Variants in ANXA6 observed in about 807,000 individuals in gnomAD.
ANXA6 encodes the protein annexin A6.
Under a neutral mutation model 95.4 loss-of-function variants are expected in ANXA6, and 71 were observed. The ratio of observed to expected loss-of-function variants is 0.74; its 90% CI spans 0.61 to 0.91. The LOEUF is 0.91. ANXA6 is among the 40% of genes least tolerant of loss of function. The pLI is 0.00. For missense variants in ANXA6, 830 were observed against 876.4 expected (o/e 0.95, Z 0.67); for synonymous variants, 289 against 315.9 (o/e 0.91, Z 0.90).
chr5:151,114,924 C>T (rs887702797), intron 20 of ANXA6, among the ~76,000 whole-genome samples: 2 of 152,100 alleles, frequency 1.3e-5, no homozygotes, highest in Admixed American at 1.3e-4. Flanking sequence ...TACTCATGTG[C>T]GTTATCTAAG....
chr5:151,105,179 CTGTGTGTTTG>C (rs1764661960), intron 24 of ANXA6, 56 bp downstream of exon 24: 1 of 1,429,710 alleles, frequency 7.0e-7, no homozygotes, highest in Admixed American at 1.7e-5. Context: ...TGGTGCACAT[CTGTGTGTTTG>C]TGTGTGTATG....
rs1248446925 is a variant in ANXA6, at chr5:151,106,474, T to A, written c.1781-1171A>T. 2.0e-5 allele frequency among the ~76,000 whole-genome samples: 3 copies of A among 151,994 alleles called. No individual in the cohort carries two copies. In the East Asian group the frequency reaches 5.8e-4, roughly 29 times the overall value. On this transcript the variant is annotated intron_variant, in intron 23 of 25. Coordinates refer to ENST00000354546, the MANE Select transcript of ANXA6 (RefSeq NM_001155.5). The stretch of plus-strand genomic sequence containing the variant: ...TCCCATCTCCAGCTCCTTACATATC[T>A]CCCTACTACCTCCCAAACAAATCCC...
chr5:151,143,239 C>G (rs1765884184), intron 2 of ANXA6, among the ~76,000 whole-genome samples: 1 of 152,148 alleles, frequency 6.6e-6, no homozygotes, highest in Admixed American at 6.5e-5. Flanking sequence ...CAGATTCCAT[C>G]TGGGTGGGAG....
At chr5:151,123,059 G>C in intron 15 of ANXA6, 48 bp from the exon 16 acceptor site, 1 of 1,527,492 alleles carries the variant, frequency 6.5e-7, no homozygotes, top group South Asian at 1.1e-5. Flanking sequence ...GTGGCTCTCG[G>C]CTTTCCCCAT....
At chr5:151,132,380 T>C (rs1765538063) in intron 10 of ANXA6, 96 bp downstream of exon 10, 2 of 941,340 alleles carry the variant, frequency 2.1e-6, no homozygotes, top group African/African-American at 1.7e-5. Context: ...CCCAATTCTA[T>C]ACCATGTAAT....
chr5:151,142,004 T>C (rs1291080599), intron 2 of ANXA6, among the ~76,000 whole-genome samples: 1 of 152,232 alleles, frequency 6.6e-6, no homozygotes, highest in Non-Finnish European at 1.5e-5. Flanking sequence ...ATCTGCCCAC[T>C]GCACAGAGAT....
chr5:151,141,693 C>G, intron 2 of ANXA6: 1 of 985,500 alleles, frequency 1.0e-6, no homozygotes, highest in Non-Finnish European at 1.2e-6. Flanking sequence ...ATGCATGCGT[C>G]GGCGTGGAGT....
chr5:151,139,094 T>C (rs1765751949), intron 4 of ANXA6: 2 of 587,200 alleles, frequency 3.4e-6, no homozygotes, highest in Non-Finnish European at 6.0e-6. Flanking sequence ...TATCTGGCAG[T>C]CCACAGAGTT....
intron 16 of ANXA6, among the ~76,000 whole-genome samples, chr5:151,122,598 GCT>G (rs1456449521): frequency 2.0e-5 from 3 of 152,238 alleles, no homozygotes; most frequent in Non-Finnish European, 2.9e-5. Flanking sequence ...CTTGAAGCCA[GCT>G]CTGTCTGTGC....
chr5:151,111,098 A>T (rs547255880), intron 20 of ANXA6, among the ~76,000 whole-genome samples: 12 of 152,332 alleles, frequency 7.9e-5, no homozygotes, highest in African/African-American at 2.6e-4. Flanking sequence ...GGCAAGAGAC[A>T]TGTAATTTTA....
intron 2 of ANXA6, among the ~76,000 whole-genome samples, chr5:151,144,007 G>C (rs1056757640): frequency 6.6e-6 from 1 of 152,198 alleles, no homozygotes; most frequent in Non-Finnish European, 1.5e-5. Flanking sequence ...GCAGGGCTCA[G>C]AGCAGATGCT....
chr5:151,152,579 G>A (rs1023986287), intron 1 of ANXA6, among the ~76,000 whole-genome samples: 4 of 152,206 alleles, frequency 2.6e-5, no homozygotes, highest in African/African-American at 9.6e-5. Context: ...GGTGACTTCT[G>A]TTGCCACAAT....
At position 151,101,143 on chromosome 5, in the gene ANXA6, A is replaced by T; in HGVS notation, c.*305T>A. 1 of 562,684 alleles carries T rather than the reference A, an allele frequency of 1.8e-6. No homozygotes were observed. The highest frequency in any genetic ancestry group is 3.3e-6 in the Non-Finnish European group (1 of 303,572). The allele number at this position is 562,684 out of a possible 1,614,324, so 34.9% of individuals were successfully genotyped here. ...GGTTCAGGATGTTTTTGGATCTGAC[A>T]TAGCCCAAACCAGGGCAGAGGCTGT... On this transcript the variant is annotated 3_prime_UTR_variant, in exon 26 of 26. Coordinates refer to ENST00000354546, the MANE Select transcript of ANXA6 (RefSeq NM_001155.5).
intron 5 of ANXA6, among the ~76,000 whole-genome samples, 164 bp from the exon 6 acceptor site, chr5:151,137,485 C>T (rs1272314868): frequency 4.6e-5 from 7 of 152,146 alleles, no homozygotes; most frequent in African/African-American, 1.4e-4. Flanking sequence ...ACTCATAAGA[C>T]ATGGTCATAT....
intron 23 of ANXA6, among the ~76,000 whole-genome samples, chr5:151,108,221 C>G (rs1437360165): frequency 6.6e-6 from 1 of 152,004 alleles, no homozygotes; most frequent in African/African-American, 2.4e-5. Context: ...CCTGCCTGCC[C>G]CAGTCTTCCT....
intron 20 of ANXA6, 137 bp downstream of exon 20, chr5:151,116,990 G>A (rs2113907775): frequency 3.1e-6 from 2 of 643,574 alleles, no homozygotes; most frequent in East Asian, 6.4e-5. Context: ...TACAGTCTAA[G>A]TATCAACCAA....
In ANXA6 at chr5:151,122,185, C is replaced by A. The variant is rs781639287; in HGVS notation, c.1309G>T (p.Ala437Ser). The change falls in exon 17 of 26, where the codon GCC (alanine) becomes TCC (serine). Residue 437 changes from alanine to serine, a missense_variant. By Grantham distance (99) the Ala-to-Ser change is moderately conservative. Transcript: ENST00000354546. ...RLILGLMMPP[A>S]HYDAKQLKKA... ...TTCAACTGCTTGGCATCGTAATGGGCCGGTGGCATCATGAGCCCCAGAATC... is the reference window on the plus strand; with the variant it reads ...TTCAACTGCTTGGCATCGTAATGGGACGGTGGCATCATGAGCCCCAGAATC... 23 of 1,601,938 alleles carry A rather than the reference C, an allele frequency of 1.4e-5. No homozygotes were observed. In the Middle Eastern group the frequency reaches 3.3e-3, roughly 230 times the overall value.
At chr5:151,139,741 C>T (rs1036785714) in intron 3 of ANXA6, among the ~76,000 whole-genome samples, 15 of 152,208 alleles carry the variant, frequency 9.9e-5, no homozygotes, top group Non-Finnish European at 1.5e-5. Flanking sequence ...CAAGGTCTCA[C>T]AATGAACCTG....
chr5:151,128,457 T>G (rs1365651223), intron 12 of ANXA6: 2 of 535,090 alleles, frequency 3.7e-6, no homozygotes, highest in Non-Finnish European at 6.8e-6. Context: ...TTCTGTGGTG[T>G]AAATACTTCT....
Sources: gnomAD v4.1 joint callset for allele counts (sites outside exome capture counted in the v4.1 genomes callset) on GRCh38, gnomAD v4.1.1 for gene constraint, MANE v1.5 for transcripts, NCBI Gene and HGNC (gene_info 2026-07-23, HGNC 2026-07-21) for gene names.